Variants in LGR4 observed in about 807,000 individuals in gnomAD.
The protein encoded by LGR4 is leucine-rich repeat-containing G protein-coupled receptor 4.
A neutral mutation model predicts 84.8 loss-of-function variants in LGR4; 44 were observed. The ratio of observed to expected loss-of-function variants is 0.52; its 90% CI spans 0.41 to 0.67. LGR4 has a LOEUF of 0.67. Among genes scored for constraint, LGR4 ranks in the 30% least tolerant of loss-of-function variants. The pLI is 0.00. For synonymous variants in LGR4, 429 were observed against 434.3 expected (o/e 0.99, Z 0.15); for missense variants, 1,032 against 1,131.4 (o/e 0.91, Z 1.26).
intron 1 of LGR4, among the ~76,000 whole-genome samples, chr11:27,435,107 G>A (rs974534479): frequency 2.6e-5 from 4 of 151,992 alleles, no homozygotes; most frequent in Non-Finnish European, 4.4e-5. Context: ...AGGCCAAGTC[G>A]GGAGATCACT....
chr11:27,390,819 A>G (rs1863270560), intron 4 of LGR4, among the ~76,000 whole-genome samples: 1 of 152,154 alleles, frequency 6.6e-6, no homozygotes. Flanking sequence ...CTGGTTCCAA[A>G]GGGATGCTGA....
At chr11:27,463,155 G>C (rs992070410) in intron 1 of LGR4, among the ~76,000 whole-genome samples, 1 of 151,826 alleles carries the variant, frequency 6.6e-6, no homozygotes, top group Admixed American at 6.6e-5. Flanking sequence ...CGGAGACTGA[G>C]GTACGAGGAT....
At chr11:27,376,453 G>A in intron 12 of LGR4, 83 bp from the exon 13 acceptor site, 2 of 625,802 alleles carry the variant, frequency 3.2e-6, no homozygotes, top group African/African-American at 1.9e-5. Flanking sequence ...AAGGGATAGA[G>A]AAAAAGAAAA....
At chr11:27,379,556 T>C (rs1161588949) in intron 10 of LGR4, among the ~76,000 whole-genome samples, 2 of 152,178 alleles carry the variant, frequency 1.3e-5, no homozygotes, top group Non-Finnish European at 2.9e-5. Flanking sequence ...TTAAAAAATA[T>C]CTTGTCACAT....
intron 1 of LGR4, among the ~76,000 whole-genome samples, chr11:27,453,753 T>C (rs1449482359): frequency 6.6e-6 from 1 of 152,216 alleles, no homozygotes; most frequent in Non-Finnish European, 1.5e-5. Flanking sequence ...CAGTAAGTAA[T>C]TATTATTTTA....
At chr11:27,372,171 TG>T in intron 16 of LGR4, 111 bp downstream of exon 16, 1 of 741,914 alleles carries the variant, frequency 1.3e-6, no homozygotes, top group South Asian at 1.6e-5. Context: ...GGCCAGACAA[TG>T]CCATTTTTCT....
At chr11:27,419,894 C>T (rs1262527406) in intron 1 of LGR4, among the ~76,000 whole-genome samples, 1 of 151,808 alleles carries the variant, frequency 6.6e-6, no homozygotes, top group Non-Finnish European at 1.5e-5. Context: ...CCTATAGACA[C>T]AGAAAATTGA....
chr11:27,417,306 A>C (rs1010536516), intron 1 of LGR4, among the ~76,000 whole-genome samples: 11 of 152,146 alleles, frequency 7.2e-5, no homozygotes, highest in Non-Finnish European at 1.6e-4. Flanking sequence ...CATGTTGATA[A>C]TGACCAAGAA....
At chr11:27,442,258 A>G (rs1481887743) in intron 1 of LGR4, among the ~76,000 whole-genome samples, 1 of 152,198 alleles carries the variant, frequency 6.6e-6, no homozygotes, top group East Asian at 1.9e-4. Context: ...CCCAGCTCCA[A>G]TACCACATTT....
chr11:27,472,329 T>C lies in LGR4; in HGVS notation c.-27A>G. 1 of 1,194,688 alleles carries C rather than the reference T, an allele frequency of 8.4e-7. No individual in the cohort carries two copies. Among genetic ancestry groups the C allele is most frequent in the Non-Finnish European group, 1.0e-6 (1 of 964,190 alleles). The allele number at this position is 1,194,688 out of a possible 1,614,324, so 74.0% of individuals were successfully genotyped here. On this transcript the variant is annotated 5_prime_UTR_variant, in exon 1 of 18. Transcript: ENST00000379214. ...GCTGCGGCCGCCTCCCGCGCCGGCC[T>C]CTCCCGCGGCGCTGCTCGCTCCGCT...
chr11:27,472,087 C>T (rs1297671831), intron 1 of LGR4, 31 bp downstream of exon 1: 5 of 1,279,878 alleles, frequency 3.9e-6, no homozygotes, highest in Non-Finnish European at 4.9e-6. Context: ...GTTTCCTCCC[C>T]CCCCCTCGCG....
At chr11:27,418,723 G>C (rs1350274939) in intron 1 of LGR4, among the ~76,000 whole-genome samples, 3 of 151,978 alleles carry the variant, frequency 2.0e-5, no homozygotes, top group Non-Finnish European at 4.4e-5. Context: ...ACTTGGAAAG[G>C]CTAGAGAAAA....
intron 3 of LGR4, 123 bp downstream of exon 3, chr11:27,392,324 C>A (rs1311819828): frequency 1.0e-5 from 7 of 702,840 alleles, no homozygotes; most frequent in Middle Eastern, 2.6e-4. Flanking sequence ...TACTCACTGG[C>A]CACTCCTTAA....
intron 12 of LGR4, among the ~76,000 whole-genome samples, chr11:27,376,858 T>C (rs1400020414): frequency 6.6e-6 from 1 of 152,244 alleles, no homozygotes; most frequent in Non-Finnish European, 1.5e-5. Flanking sequence ...TGATGGGAAC[T>C]GGCATTCATG....
chr11:27,424,662 G>A (rs1322844015), intron 1 of LGR4, among the ~76,000 whole-genome samples: 2 of 152,200 alleles, frequency 1.3e-5, no homozygotes, highest in Non-Finnish European at 2.9e-5. Context: ...GGGAGCCCAT[G>A]ACAGTAGAAG....
chr11:27,453,868 G>A (rs1439369351), intron 1 of LGR4, among the ~76,000 whole-genome samples: 1 of 152,206 alleles, frequency 6.6e-6, no homozygotes, highest in Admixed American at 6.5e-5. Context: ...AAGTTAACCT[G>A]AAAAACTAGT....
intron 6 of LGR4, 119 bp downstream of exon 6, chr11:27,384,217 C>CA: frequency 1.4e-5 from 9 of 665,702 alleles, no homozygotes; most frequent in Non-Finnish European, 1.8e-5. Context: ...AATCCAGTAT[C>CA]AAAGTGAATT....
intron 2 of LGR4, among the ~76,000 whole-genome samples, chr11:27,393,657 A>C (rs942202650): frequency 1.1e-4 from 17 of 152,026 alleles, no homozygotes; most frequent in African/African-American, 4.1e-4. Flanking sequence ...CTTATTCATT[A>C]ATTCATTCAT....
chr11:27,420,999 C>A (rs1353575168), intron 1 of LGR4, among the ~76,000 whole-genome samples: 1 of 152,126 alleles, frequency 6.6e-6, no homozygotes, highest in African/African-American at 2.4e-5. Context: ...TCCCAAAAGG[C>A]CTTCATATGT....
Sources: gnomAD v4.1 joint callset for allele counts (sites outside exome capture counted in the v4.1 genomes callset) on GRCh38, gnomAD v4.1.1 for gene constraint, MANE v1.5 for transcripts, NCBI Gene and HGNC (gene_info 2026-07-23, HGNC 2026-07-21) for gene names.